Variants in CHGA observed in about 807,000 individuals in gnomAD.
The protein encoded by CHGA is chromogranin A.
In CHGA, 41 loss-of-function variants were observed where a neutral mutation model predicts 54.4. The observed-to-expected ratio is 0.75, with a 90% confidence interval of 0.59 to 0.98. CHGA has a LOEUF of 0.98. CHGA is among the 50% of genes least tolerant of loss of function. The probability of loss-of-function intolerance (pLI) is 0.00; values close to 1 mark genes in which losing one functional copy is unlikely to be tolerated. For synonymous variants in CHGA, 249 were observed against 232.8 expected (o/e 1.07, Z -0.63); for missense variants, 576 against 582.3 (o/e 0.99, Z 0.11).
At chr14:92,934,706 C>T (rs570816459) in intron 7 of CHGA, 95 bp from the exon 8 acceptor site, 11 of 876,710 alleles carry the variant, frequency 1.3e-5, no homozygotes, top group African/African-American at 6.8e-5. Flanking sequence ...GCCACCTGTC[C>T]GAGGCCACAC....
rs745675407 is a variant in CHGA at position 92,932,833 on chromosome 14, C to T, written c.1272C>T (p.Ser424=). Reference sequence around the variant, plus strand: ...AGGAGAAGAAAGAGGAGGAGGGCAGCGCAAACCGCAGACCAGAGGTTGGTA... The same window carrying T: ...AGGAGAAGAAAGAGGAGGAGGGCAGTGCAAACCGCAGACCAGAGGTTGGTA... The part of the protein sequence containing the change: ...YPEEKKEEEG[S]ANRRPEDQEL... Residue 424 remains serine (S), a synonymous_variant, in exon 7 of 8, where the codon AGC becomes AGT. Transcript: ENST00000216492. The surrounding 1 kb of genome is among the most constrained non-coding windows in gnomAD (Gnocchi z 5.3). 64 of 1,508,150 alleles carry T rather than the reference C, an allele frequency of 4.2e-5. No individual in the cohort carries two copies. Among genetic ancestry groups the T allele is most frequent in the Non-Finnish European group, 5.2e-5 (59 of 1,126,198 alleles). 93.4% of individuals were successfully genotyped at this position (1,508,150 alleles called of 1,614,324 possible).
At chr14:92,933,151 G>C (rs1184935162) in intron 7 of CHGA, 2 of 302,264 alleles carry the variant, frequency 6.6e-6, no homozygotes, top group Non-Finnish European at 1.2e-5. Flanking sequence ...CCATGCGGTG[G>C]GTCTGACCGT....
At chr14:92,926,835 AC>A in intron 3 of CHGA, 137 bp downstream of exon 3, 5 of 737,952 alleles carry the variant, frequency 6.8e-6, no homozygotes, top group South Asian at 6.6e-5. Flanking sequence ...CAGGCACTGC[AC>A]CAGGGTCCAA....
chr14:92,928,540 G>A (rs1886932387), intron 4 of CHGA, among the ~76,000 whole-genome samples: 1 of 152,220 alleles, frequency 6.6e-6, no homozygotes, highest in African/African-American at 2.4e-5. Context: ...GGATAGTTAT[G>A]TCATCATCAG....
In CHGA at chr14:92,932,235, G is replaced by T; in HGVS notation, c.809-135G>T. ...GTCTTGCAAAGCCTGGCATCAAGAAGGTTTTTCCCGCTAAGCGTCATCACT... is the reference window on the plus strand; with the variant it reads ...GTCTTGCAAAGCCTGGCATCAAGAATGTTTTTCCCGCTAAGCGTCATCACT... On this transcript the variant is annotated intron_variant, in intron 6 of 7. Coordinates refer to ENST00000216492, the MANE Select transcript of CHGA (RefSeq NM_001275.4). This position sits in a 1 kb window ranked among gnomAD's most constrained non-coding sequence, Gnocchi z 5.3. 1 of 1,269,400 alleles carries T rather than the reference G, an allele frequency of 7.9e-7. No individual in the cohort carries two copies. Among genetic ancestry groups the T allele is most frequent in the Non-Finnish European group, 1.1e-6 (1 of 947,714 alleles). The allele number at this position is 1,269,400 out of a possible 1,614,324, so 78.6% of individuals were successfully genotyped here. A position where few individuals can be genotyped will look rare whatever the true frequency, so the allele number is the denominator to read the frequency against.
chr14:92,923,129 G>A (rs919496629), upstream of CHGA: 2 of 335,648 alleles, frequency 6.0e-6, no homozygotes. Context: ...TATATAAGCG[G>A]GGCGCGAGGG....
Position 92,934,902 on chromosome 14 carries a change from C to A in CHGA, c.*18C>A. 1.3e-6 allele frequency: 2 copies of A among 1,548,128 alleles called. No homozygotes were observed. Among genetic ancestry groups the A allele is most frequent in the East Asian group, 2.5e-5 (1 of 40,598 alleles). ...GGGGCTGAGACACCGGCTGGCAGGGCTGGCCCCAGGGCACCCTGTGGCCCT... is the reference window on the plus strand; with the variant it reads ...GGGGCTGAGACACCGGCTGGCAGGGATGGCCCCAGGGCACCCTGTGGCCCT... On this transcript the variant is annotated 3_prime_UTR_variant, in exon 8 of 8. Coordinates refer to ENST00000216492, the MANE Select transcript of CHGA (RefSeq NM_001275.4).
intron 4 of CHGA, among the ~76,000 whole-genome samples, chr14:92,929,211 C>G (rs1886945879): frequency 6.6e-6 from 1 of 152,236 alleles, no homozygotes; most frequent in Non-Finnish European, 1.5e-5. Context: ...CTCCCCGGGC[C>G]TGGACTCAGC....
rs375389339 is a variant in CHGA, at chr14:92,931,555, C to T, written c.661C>T (p.Pro221Ser). ...CAGAGAGAAGGGCCTGAGTGCAGAGCCAGGGTGGCAGGCAAAGAGAGAAGA... is the reference window on the plus strand; with the variant it reads ...CAGAGAGAAGGGCCTGAGTGCAGAGTCAGGGTGGCAGGCAAAGAGAGAAGA... Reference protein sequence around the residue: ...VDREKGLSAEPGWQAKREEEE... With the variant: ...VDREKGLSAESGWQAKREEEE... Residue 221 changes from proline to serine, a missense_variant, in exon 6 of 8, where the codon CCA (proline) becomes TCA (serine). Pro to Ser is a moderately conservative substitution (Grantham distance 74, BLOSUM62 -1). Transcript: ENST00000216492. 5.0e-6 allele frequency: 8 copies of T among 1,612,046 alleles called. No homozygotes were observed. The highest frequency in any genetic ancestry group is 6.8e-6 in the Non-Finnish European group (8 of 1,179,590).
At chr14:92,926,995 G>T (rs1001323106) in intron 3 of CHGA, among the ~76,000 whole-genome samples, 2 of 152,226 alleles carry the variant, frequency 1.3e-5, no homozygotes, top group African/African-American at 2.4e-5. Context: ...TATGGACAAA[G>T]ATTTTGTGTG....
intron 2 of CHGA, among the ~76,000 whole-genome samples, chr14:92,924,893 G>GT (rs1160170554): frequency 2.6e-5 from 4 of 152,306 alleles, no homozygotes; most frequent in East Asian, 1.9e-4. Context: ...AGCTGGGGCT[G>GT]TTTTTTCCAG....
intron 2 of CHGA, 127 bp downstream of exon 2, chr14:92,924,372 G>T: frequency 1.1e-6 from 1 of 879,108 alleles, no homozygotes; most frequent in Non-Finnish European, 1.7e-6. Context: ...CTGAGCCTGG[G>T]GACAGCTTGC....
chr14:92,928,228 A>G (rs1314924566), intron 4 of CHGA, among the ~76,000 whole-genome samples: 1 of 152,102 alleles, frequency 6.6e-6, no homozygotes, highest in African/African-American at 2.4e-5. Flanking sequence ...CAACGAAGCG[A>G]GAGTGTTTTT....
intron 1 of CHGA, 105 bp downstream of exon 1, chr14:92,923,510 G>C: frequency 9.4e-7 from 1 of 1,062,620 alleles, no homozygotes; most frequent in Non-Finnish European, 1.2e-6. Flanking sequence ...CTTCCCTTCG[G>C]GCGCGGCGAG....
intron 4 of CHGA, 28 bp from the exon 5 acceptor site, chr14:92,929,689 G>C: frequency 4.4e-6 from 7 of 1,603,910 alleles, no homozygotes; most frequent in Non-Finnish European, 6.0e-6. Context: ...GCACCCAATG[G>C]GACTTTTCCC....
chr14:92,934,322 T>G (rs779445918), intron 7 of CHGA, among the ~76,000 whole-genome samples: 8 of 152,192 alleles, frequency 5.3e-5, no homozygotes, highest in Non-Finnish European at 1.0e-4. Flanking sequence ...CTAGGCAGGC[T>G]GATGTGGGGC....
In CHGA at chr14:92,927,579, C is replaced by G. The variant is rs1393364865; in HGVS notation, c.217C>G (p.Gln73Glu). The change falls in exon 4 of 8, where the codon CAG (glutamine) becomes GAG (glutamate). Residue 73 changes from glutamine (Q) to glutamate (E), a missense_variant. Gln to Glu is a conservative substitution (Grantham distance 29). Coordinates refer to ENST00000216492, the MANE Select transcript of CHGA (RefSeq NM_001275.4). ...DERILSILRH[Q>E]NLLKELQDLA... is the part of the protein sequence containing the mutation. ...ACGGATCCTTTCCATTCTGAGACAT[C>G]AGAATTTACTGAAGGAGCTCCAAGA... is the stretch of plus-strand genomic sequence containing the variant. 6.2e-7 allele frequency: 1 copy of G among 1,613,652 alleles called. No individual in the cohort carries two copies. The highest frequency in any genetic ancestry group is 1.3e-5 in the African/African-American group (1 of 74,898).
At position 92,931,491 on chromosome 14, in the gene CHGA, C is replaced by A. The variant is rs1399195097; in HGVS notation, c.597C>A (p.Ala199=). The change falls in exon 6 of 8, where the codon GCC becomes GCA. Residue 199 remains alanine, a synonymous_variant. Transcript: ENST00000216492. ...GCCAGAAATACCCAGGCCCACAGGCCGAGGGGGACAGTGAGGGCCTCTCTC... is the reference window on the plus strand; with the variant it reads ...GCCAGAAATACCCAGGCCCACAGGCAGAGGGGGACAGTGAGGGCCTCTCTC... ...LPSQKYPGPQ[A]EGDSEGLSQG... is the part of the protein sequence containing the mutation. 1 of 1,611,966 alleles carries A rather than the reference C, an allele frequency of 6.2e-7. No homozygotes were observed. Among genetic ancestry groups the A allele is most frequent in the African/African-American group, 1.3e-5 (1 of 74,788 alleles).
intron 6 of CHGA, 131 bp downstream of exon 6, chr14:92,931,833 G>A (rs9658657): frequency 0.014 from 13,274 of 938,580 alleles, 310 homozygotes; most frequent in Admixed American, 0.099. Flanking sequence ...CATTTCCCAG[G>A]TGGACAAATG....
Sources: allele counts gnomAD v4.1 joint callset (sites outside exome capture counted in the v4.1 genomes callset), GRCh38; gene constraint gnomAD v4.1.1; non-coding constraint Gnocchi (gnomAD v3.1); transcripts MANE v1.5; gene names NCBI Gene and HGNC (gene_info 2026-07-23, HGNC 2026-07-21).